The following NUP93 variants were observed in gnomAD, a reference collection of about 807,000 sequenced individuals.
NUP93 encodes nuclear pore complex protein Nup93.
A neutral mutation model predicts 107.8 loss-of-function variants in NUP93; 55 were observed. That is an observed-to-expected ratio of 0.51 (90% CI 0.41 to 0.64). The LOEUF is 0.64. Ranked by LOEUF, NUP93 falls within the 30% of genes least tolerant of loss-of-function variation. The probability of loss-of-function intolerance (pLI) is 0.00; values close to 1 mark genes in which losing one functional copy is unlikely to be tolerated. For missense variants in NUP93, 937 were observed against 1,044.7 expected, an observed-to-expected ratio of 0.90 and a Z score of 1.42; for synonymous variants, 390 against 397.5, an observed-to-expected ratio of 0.98 and a Z score of 0.22.
chr16:56,834,346 C>CT (rs769213958), intron 14 of NUP93, 24 bp from the exon 15 acceptor site: 2 of 1,614,088 alleles, frequency 1.2e-6, no homozygotes, highest in South Asian at 1.1e-5. Context: ...AGACTGGAAA[C>CT]TGAGTTGTTT....
intron 16 of NUP93, 106 bp downstream of exon 16, chr16:56,834,884 C>A: frequency 3.2e-6 from 3 of 928,216 alleles, no homozygotes; most frequent in Non-Finnish European, 3.3e-6. Context: ...AGATGCAAAT[C>A]TGAACAGAGT....
In NUP93 at chr16:56,836,068, G is replaced by A. The variant is rs928449087; in HGVS notation, c.1783-533G>A. On this transcript the variant is annotated intron_variant, in intron 16 of 21. Transcript: ENST00000308159. ...GGTGTGAACCTGGGAGGCAGAGCTT[G>A]CAGTGAGCCGAGATTGCGCCACTGC... is the stretch of plus-strand genomic sequence containing the variant. Among the ~76,000 whole-genome samples, 267 of 151,382 alleles carry A rather than the reference G, an allele frequency of 1.8e-3. 2 individuals are homozygous for A. Among genetic ancestry groups the A allele is most frequent in the African/African-American group, 6.3e-3 (259 of 41,216 alleles).
Position 56,817,643 on chromosome 16 carries a change from T to C in NUP93, c.490-1021T>C, listed in dbSNP as rs1596835594. ...AGCTTGGCTAAAGATGAATATTCTT[T>C]CTTTAAAAAGACTGAAACTTTTTTC... On this transcript the variant is annotated intron_variant, in intron 5 of 21. Coordinates refer to ENST00000308159, the MANE Select transcript of NUP93 (RefSeq NM_014669.5). Among the ~76,000 whole-genome samples the C allele has an allele frequency of 3.3e-5, 5 of 152,062 alleles. No homozygotes were observed. In the South Asian group the frequency reaches 8.4e-4, roughly 25 times the overall value.
At chr16:56,785,760 T>C (rs1962613133) in intron 3 of NUP93, among the ~76,000 whole-genome samples, 1 of 152,190 alleles carries the variant, frequency 6.6e-6, no homozygotes, top group South Asian at 2.1e-4. Flanking sequence ...TTACAACCAC[T>C]TTTTATTGTT....
chr16:56,758,552 G>C lies in NUP93; in HGVS notation c.194G>C (p.Gly65Ala). Residue 65 changes from glycine (G) to alanine (A), a missense_variant, in exon 3 of 22, where the codon GGG (glycine) becomes GCG (alanine). By Grantham distance (60) the Gly-to-Ala change is moderately conservative (BLOSUM62 0). Transcript: ENST00000308159. Reference sequence around the variant, plus strand: ...TCCTCACATAGGTCAGTTCTCCTCGGGTCTCGGGGACTTGACATATCCCAC... The same window carrying C: ...TCCTCACATAGGTCAGTTCTCCTCGCGTCTCGGGGACTTGACATATCCCAC... Reference protein sequence around the residue: ...TADVKASVLLGSRGLDISHIS... With the variant: ...TADVKASVLLASRGLDISHIS... 6.2e-7 allele frequency: 1 copy of C among 1,613,312 alleles called. No homozygotes were observed. Among genetic ancestry groups the C allele is most frequent in the Non-Finnish European group, 8.5e-7 (1 of 1,179,558 alleles).
At chr16:56,814,274 G>T (rs771871131) in intron 5 of NUP93, among the ~76,000 whole-genome samples, 1 of 152,042 alleles carries the variant, frequency 6.6e-6, no homozygotes. Flanking sequence ...TCCGCTTCCC[G>T]GGCTCAAGCG....
At chr16:56,833,133 G>A (rs1963830024) in intron 12 of NUP93, 82 bp from the exon 13 acceptor site, 1 of 1,244,248 alleles carries the variant, frequency 8.0e-7, no homozygotes, top group Non-Finnish European at 1.1e-6. Context: ...TGGGCTCACA[G>A]GGCTGCTGCC....
chr16:56,744,018 G>A (rs1961781240), intron 1 of NUP93, among the ~76,000 whole-genome samples: 2 of 152,162 alleles, frequency 1.3e-5, no homozygotes, highest in Admixed American at 1.3e-4. Context: ...TCATAGAGGA[G>A]CCCTAGTGCT....
At position 56,818,582 on chromosome 16, in the gene NUP93, G is replaced by C. The variant is rs531016000; in HGVS notation, c.490-82G>C. ...CTTTTCACAGCTCTGTTAAAGACAA[G>C]AATATGTTTATGATGTGATTTGATT... On this transcript the variant is annotated intron_variant, in intron 5 of 21. Coordinates refer to ENST00000308159, the MANE Select transcript of NUP93 (RefSeq NM_014669.5). 1.0e-5 allele frequency: 11 copies of C among 1,104,730 alleles called. No individual in the cohort carries two copies. In the African/African-American group the frequency reaches 1.7e-4, roughly 17 times the overall value. 68.4% of individuals were successfully genotyped at this position (1,104,730 alleles called of 1,614,324 possible). A position where few individuals can be genotyped will look rare whatever the true frequency, so the allele number is the denominator to read the frequency against.
chr16:56,841,761 G>GT lies in NUP93; in HGVS notation c.2280dup (p.Lys761Ter), dbSNP rs1567415442. 3.1e-6 allele frequency: 5 copies of GT among 1,614,200 alleles called. No individual in the cohort carries two copies. Among genetic ancestry groups the GT allele is most frequent in the Admixed American group, 1.7e-5 (1 of 60,026 alleles). On this transcript the variant is annotated frameshift_variant, in exon 21 of 22. Transcript: ENST00000308159. LOFTEE classifies it high-confidence loss of function. ...CCACCATGAACATCTTGTTCACACA[G>GT]TTTAAGAGGCTCAAGGGGACAAGTC...
intron 8 of NUP93, 87 bp from the exon 9 acceptor site, chr16:56,828,890 C>T: frequency 2.9e-6 from 4 of 1,395,162 alleles, no homozygotes; most frequent in Non-Finnish European, 4.0e-6. Flanking sequence ...CCCTTCCAAG[C>T]TACAGTGTAA....
intron 3 of NUP93, among the ~76,000 whole-genome samples, chr16:56,792,776 A>G (rs1190431368): frequency 2.6e-5 from 4 of 152,210 alleles, no homozygotes; most frequent in African/African-American, 9.6e-5. Flanking sequence ...TGATGATGAA[A>G]ACAAATTTAA....
intron 5 of NUP93, among the ~76,000 whole-genome samples, chr16:56,814,237 G>A (rs1344812236): frequency 6.6e-6 from 1 of 152,102 alleles, no homozygotes; most frequent in Non-Finnish European, 1.5e-5. Context: ...TTGGAATGCG[G>A]TGGCGCAATC....
intron 3 of NUP93, among the ~76,000 whole-genome samples, chr16:56,785,701 T>G (rs913965434): frequency 1.3e-5 from 2 of 152,216 alleles, no homozygotes; most frequent in Non-Finnish European, 2.9e-5. Context: ...ACGAATTATT[T>G]TCTTTAAATT....
At chr16:56,755,472 G>C (rs1199865245) in intron 2 of NUP93, among the ~76,000 whole-genome samples, 1 of 152,002 alleles carries the variant, frequency 6.6e-6, no homozygotes, top group African/African-American at 2.4e-5. Flanking sequence ...GAGGTTTGGG[G>C]GGAAATGGGG....
At chr16:56,736,133 C>G (rs1347284102) in intron 1 of NUP93, among the ~76,000 whole-genome samples, 1 of 152,194 alleles carries the variant, frequency 6.6e-6, no homozygotes, top group Non-Finnish European at 1.5e-5. Flanking sequence ...AGTTCAAGAC[C>G]AGCCTAGCCA....
intron 3 of NUP93, among the ~76,000 whole-genome samples, chr16:56,794,090 G>GATAGATAGA (rs1567391409): frequency 4.6e-4 from 35 of 75,992 alleles, no homozygotes; most frequent in Admixed American, 2.9e-3. Context: ...AGGTAGGTAG[G>GATAGATAGA]TAGATAGATA....
chr16:56,775,303 G>A (rs571541894), intron 3 of NUP93, among the ~76,000 whole-genome samples: 3 of 152,328 alleles, frequency 2.0e-5, no homozygotes, highest in Non-Finnish European at 4.4e-5. Context: ...GGAAAAGGCT[G>A]ATGACCATCT....
At chr16:56,785,713 G>A (rs1289424598) in intron 3 of NUP93, among the ~76,000 whole-genome samples, 1 of 152,064 alleles carries the variant, frequency 6.6e-6, no homozygotes, top group South Asian at 2.1e-4. Flanking sequence ...CTTTAAATTA[G>A]GTTTGAAGAC....
Sources: allele counts gnomAD v4.1 joint callset (sites outside exome capture counted in the v4.1 genomes callset), GRCh38; gene constraint gnomAD v4.1.1; transcripts MANE v1.5; gene names NCBI Gene and HGNC (gene_info 2026-07-23, HGNC 2026-07-21).